SPESP1: variants seen among roughly 807,000 people sequenced by gnomAD.
SPESP1 encodes the protein sperm equatorial segment protein 1.
SPESP1 carries 1 observed loss-of-function variant against 3.1 expected under a neutral mutation model. The ratio of observed to expected loss-of-function variants is 0.33; its 90% CI spans 0.12 to 1.54. SPESP1 has a LOEUF of 1.54. Among genes scored for constraint, SPESP1 ranks in the 40% most tolerant of loss-of-function variants. The pLI is 0.38. For missense variants in SPESP1, 398 were observed against 410.1 expected, an observed-to-expected ratio of 0.97 and a Z score of 0.26; for synonymous variants, 138 against 150.7, an observed-to-expected ratio of 0.92 and a Z score of 0.62.
At chr15:68,942,479 G>C (rs1223198844) in intron 1 of SPESP1, among the ~76,000 whole-genome samples, 1 of 152,050 alleles carries the variant, frequency 6.6e-6, no homozygotes, top group Non-Finnish European at 1.5e-5. Context: ...AATATTAACA[G>C]TAATGAAGAT....
intron 1 of SPESP1, among the ~76,000 whole-genome samples, chr15:68,943,808 T>C (rs1452434461): frequency 6.6e-6 from 1 of 151,966 alleles, no homozygotes; most frequent in Admixed American, 6.6e-5. Flanking sequence ...ATGGTGCTTC[T>C]AGTAAATAAA....
At chr15:68,932,049 CT>C (rs1895557168) in intron 1 of SPESP1, among the ~76,000 whole-genome samples, 1 of 152,260 alleles carries the variant, frequency 6.6e-6, no homozygotes, top group Non-Finnish European at 1.5e-5. Flanking sequence ...AAAGTTAGCT[CT>C]TTAAATACTA....
chr15:68,944,623 A>G (rs1218703300), intron 1 of SPESP1, among the ~76,000 whole-genome samples: 1 of 152,164 alleles, frequency 6.6e-6, no homozygotes, highest in Non-Finnish European at 1.5e-5. Context: ...CTGATGATTT[A>G]GACCAGGAAC....
rs201707375 is a variant in SPESP1 at position 68,945,689 on chromosome 15, C to A, written c.155C>A (p.Pro52Gln). ...GTACGAAGTGTTCCCTCTGGGGAGC[C>A]AGGTCGTGAGAAAAAATCTAACTCT... ...NLVRSVPSGE[P>Q]GREKKSNSPK... Residue 52 changes from proline (P) to glutamine (Q), a missense_variant, in exon 2 of 2, where the codon CCA (proline) becomes CAA (glutamine). Pro to Gln is a moderately conservative substitution (Grantham distance 76). Coordinates refer to ENST00000310673, the MANE Select transcript of SPESP1 (RefSeq NM_145658.4). 1 of 1,613,844 alleles carries A rather than the reference C, an allele frequency of 6.2e-7. No individual in the cohort carries two copies. Among genetic ancestry groups the A allele is most frequent in the African/African-American group, 1.3e-5 (1 of 74,986 alleles).
chr15:68,932,575 A>G (rs1433238575), intron 1 of SPESP1, among the ~76,000 whole-genome samples: 1 of 152,098 alleles, frequency 6.6e-6, no homozygotes, highest in Non-Finnish European at 1.5e-5. Flanking sequence ...TATTTCTAGT[A>G]GAGACGGGGT....
intron 1 of SPESP1, among the ~76,000 whole-genome samples, chr15:68,936,110 A>AT (rs1895673817): frequency 6.6e-6 from 1 of 152,228 alleles, no homozygotes; most frequent in South Asian, 2.1e-4. Context: ...AGTTATGGAC[A>AT]TTCAGCCAGA....
At chr15:68,945,543 T>C in intron 1 of SPESP1, 56 bp from the exon 2 acceptor site, 1 of 1,339,362 alleles carries the variant, frequency 7.5e-7, no homozygotes, top group Non-Finnish European at 9.8e-7. Flanking sequence ...ATTCTGTCAG[T>C]GTGTCATATA....
chr15:68,945,105 G>A (rs1461097646), intron 1 of SPESP1, among the ~76,000 whole-genome samples: 1 of 152,132 alleles, frequency 6.6e-6, no homozygotes, highest in East Asian at 1.9e-4. Flanking sequence ...TGATGAGTTT[G>A]GGATATTTAT....
At chr15:68,944,848 C>G (rs1895919247) in intron 1 of SPESP1, among the ~76,000 whole-genome samples, 1 of 152,094 alleles carries the variant, frequency 6.6e-6, no homozygotes, top group Admixed American at 6.6e-5. Flanking sequence ...GGGTTGAAGG[C>G]AGTAGTATAC....
chr15:68,939,598 G>C (rs1208197566), intron 1 of SPESP1, among the ~76,000 whole-genome samples: 1 of 152,206 alleles, frequency 6.6e-6, no homozygotes, highest in Admixed American at 6.5e-5. Context: ...ACAAAAGCAG[G>C]AGGTAGAAGG....
intron 1 of SPESP1, among the ~76,000 whole-genome samples, chr15:68,935,201 C>T (rs1184916682): frequency 1.3e-5 from 2 of 152,134 alleles, no homozygotes; most frequent in African/African-American, 4.8e-5. Context: ...TAGGATGCAT[C>T]TTGATTTTTA....
At position 68,930,601 on chromosome 15, in the gene SPESP1, C is replaced by G; in HGVS notation, c.-53C>G. The G allele has an allele frequency of 6.2e-7, 1 of 1,611,494 alleles. No individual in the cohort carries two copies. Among genetic ancestry groups the G allele is most frequent in the Non-Finnish European group, 8.5e-7 (1 of 1,178,152 alleles). On this transcript the variant is annotated 5_prime_UTR_variant, in exon 1 of 2. Transcript: ENST00000310673. ...CCCTTTCGGCCTTGAGGTTCCCAGC[C>G]TGGTGGCCCCAGGACGTTCCGGTCG...
intron 1 of SPESP1, among the ~76,000 whole-genome samples, 197 bp downstream of exon 1, chr15:68,930,914 C>A (rs377637655): frequency 6.6e-6 from 1 of 152,138 alleles, no homozygotes; most frequent in Non-Finnish European, 1.5e-5. Flanking sequence ...TGAGGCGGCG[C>A]GGCCCAGATG....
chr15:68,935,829 C>G (rs1007146448), intron 1 of SPESP1, among the ~76,000 whole-genome samples: 2 of 152,158 alleles, frequency 1.3e-5, no homozygotes, highest in South Asian at 4.1e-4. Flanking sequence ...ATGACCATTC[C>G]TTGAGTACAC....
chr15:68,937,168 C>G (rs964036624), intron 1 of SPESP1, among the ~76,000 whole-genome samples: 6 of 152,044 alleles, frequency 3.9e-5, no homozygotes, highest in African/African-American at 1.4e-4. Flanking sequence ...AATGTTTTAC[C>G]TGTGATTATC....
chr15:68,935,788 G>A (rs1032586118), intron 1 of SPESP1, among the ~76,000 whole-genome samples: 1 of 152,160 alleles, frequency 6.6e-6, no homozygotes, highest in African/African-American at 2.4e-5. Context: ...GAAAATTGCT[G>A]GATGAATAAG....
intron 1 of SPESP1, among the ~76,000 whole-genome samples, chr15:68,942,920 A>G (rs1202447684): frequency 4.3e-5 from 2 of 46,956 alleles, no homozygotes; most frequent in Admixed American, 2.1e-4. Context: ...ATTCAGGACA[A>G]TGCATTTTAT....
At chr15:68,944,909 G>T (rs1447931229) in intron 1 of SPESP1, among the ~76,000 whole-genome samples, 2 of 152,152 alleles carry the variant, frequency 1.3e-5, no homozygotes, top group African/African-American at 4.8e-5. Context: ...ACTCTGATTT[G>T]TAGCATTTGC....
At chr15:68,931,048 A>G (rs1373987400) in intron 1 of SPESP1, among the ~76,000 whole-genome samples, 1 of 152,072 alleles carries the variant, frequency 6.6e-6, no homozygotes, top group African/African-American at 2.4e-5. Context: ...GTCGTGTGAC[A>G]GCTGCTGGCC....
Sources: gnomAD v4.1 joint callset for allele counts (sites outside exome capture counted in the v4.1 genomes callset) on GRCh38, gnomAD v4.1.1 for gene constraint, MANE v1.5 for transcripts, NCBI Gene and HGNC (gene_info 2026-07-23, HGNC 2026-07-21) for gene names.